The following LMF1 variants were observed in gnomAD, a reference collection of about 807,000 sequenced individuals.
LMF1 encodes transmembrane protein 112.
A neutral mutation model predicts 60.6 loss-of-function variants in LMF1; 68 were observed. The ratio of observed to expected loss-of-function variants is 1.12; its 90% CI spans 0.92 to 1.37. The LOEUF (loss-of-function observed/expected upper bound fraction) is 1.37, where lower values mean the gene tolerates loss of function less well. Ranked by LOEUF, LMF1 falls within the 40% of genes most tolerant of loss-of-function variation. LMF1 has a pLI of 0.00. For synonymous variants in LMF1, 418 were observed against 324.7 expected (o/e 1.29, Z -3.09); for missense variants, 948 against 767.2 (o/e 1.24, Z -2.78).
chr16:949,116 CAG>C (rs1168330108), intron 2 of LMF1, among the ~76,000 whole-genome samples: 2 of 150,078 alleles, frequency 1.3e-5, no homozygotes, highest in Admixed American at 6.7e-5. Flanking sequence ...CAGCCAATGA[CAG>C]AGTCAGCCAA....
chr16:860,130 C>T (rs1043861726), intron 10 of LMF1, among the ~76,000 whole-genome samples: 1 of 152,062 alleles, frequency 6.6e-6, no homozygotes, highest in South Asian at 2.1e-4. Flanking sequence ...TTTACATATT[C>T]CAGATTTTAG....
At chr16:954,185 C>T in intron 2 of LMF1, 172 bp downstream of exon 2, 1 of 738,294 alleles carries the variant, frequency 1.4e-6, no homozygotes, top group Non-Finnish European at 2.4e-6. Context: ...TGGGTGGCTG[C>T]TGTGGCTGGT....
At chr16:947,751 G>C in intron 2 of LMF1, 1 of 361,832 alleles carries the variant, frequency 2.8e-6, no homozygotes, top group Non-Finnish European at 5.5e-6. Context: ...GCGGATGACA[G>C]TCAGAGCCAA....
intron 10 of LMF1, among the ~76,000 whole-genome samples, chr16:857,349 C>T (rs917909724): frequency 2.6e-5 from 4 of 152,260 alleles, no homozygotes; most frequent in African/African-American, 9.6e-5. Flanking sequence ...CCAGCAACAG[C>T]CGAGTGACTC....
At chr16:856,031 G>C in intron 10 of LMF1, 1 of 449,608 alleles carries the variant, frequency 2.2e-6, no homozygotes, top group South Asian at 1.6e-5. Context: ...GAGACCCTCT[G>C]GGTGGAGGAG....
At chr16:911,570 G>T (rs2071116708) in intron 3 of LMF1, among the ~76,000 whole-genome samples, 1 of 39,502 alleles carries the variant, frequency 2.5e-5, no homozygotes, top group Non-Finnish European at 4.2e-5. Context: ...CTTGGGGGAG[G>T]CAGCACTGGG....
At chr16:854,956 G>A (rs2069147453) in intron 10 of LMF1, 2 of 572,260 alleles carry the variant, frequency 3.5e-6, no homozygotes, top group Non-Finnish European at 3.1e-6. Flanking sequence ...CTCCGGGAGG[G>A]GAGACCCAGC....
intron 2 of LMF1, among the ~76,000 whole-genome samples, chr16:941,985 A>C (rs1339547594): frequency 6.6e-6 from 1 of 152,246 alleles, no homozygotes; most frequent in Non-Finnish European, 1.5e-5. Context: ...TACCATGTCC[A>C]GTGGATTTTA....
chr16:870,629 G>T, intron 8 of LMF1, 100 bp downstream of exon 8: 1 of 1,391,226 alleles, frequency 7.2e-7, no homozygotes, highest in Non-Finnish European at 1.0e-6. Flanking sequence ...GACACTTGGG[G>T]TCATGGGGGC....
At chr16:960,284 C>G (rs1255044683) in intron 1 of LMF1, among the ~76,000 whole-genome samples, 2 of 148,190 alleles carry the variant, frequency 1.3e-5, no homozygotes, top group Non-Finnish European at 3.0e-5. Context: ...GATCATAACC[C>G]AGACAAAGAC....
intron 1 of LMF1, among the ~76,000 whole-genome samples, chr16:970,439 C>T (rs571653235): frequency 1.3e-5 from 2 of 152,302 alleles, no homozygotes; most frequent in South Asian, 4.1e-4. Flanking sequence ...TCCACCTGCC[C>T]AGCTCTCCTG....
chr16:912,898 C>T (rs1243991586), intron 3 of LMF1, among the ~76,000 whole-genome samples: 1 of 152,224 alleles, frequency 6.6e-6, no homozygotes, highest in Non-Finnish European at 1.5e-5. Context: ...ATAAGCAGCA[C>T]GCTGCCAGGG....
At chr16:939,676 G>C (rs937376426) in intron 2 of LMF1, among the ~76,000 whole-genome samples, 1 of 152,260 alleles carries the variant, frequency 6.6e-6, no homozygotes, top group Non-Finnish European at 1.5e-5. Context: ...GACCAAAGCT[G>C]CTGTAAGACA....
chr16:891,015 C>T (rs1221008843), intron 5 of LMF1, among the ~76,000 whole-genome samples: 4 of 152,214 alleles, frequency 2.6e-5, no homozygotes, highest in Admixed American at 2.6e-4. Context: ...GCACTCCTCA[C>T]AAACAGCACA....
At chr16:904,297 C>T (rs1312474643) in intron 4 of LMF1, among the ~76,000 whole-genome samples, 3 of 118,892 alleles carry the variant, frequency 2.5e-5, no homozygotes, top group Non-Finnish European at 3.5e-5. Context: ...GTGGTGACCT[C>T]TGCACTGCCT....
rs754160943 is a variant in LMF1, at chr16:954,518, G to C, written c.342C>G (p.Leu114=). The change falls in exon 2 of 11, where the codon CTC becomes CTG. Residue 114 remains leucine (L), a synonymous_variant. Transcript: ENST00000262301. The part of the protein sequence containing the change: ...WEVFSYMPTI[L]WLMDWSDMNS... Reference sequence around the variant, plus strand: ...TCATGTCTGACCAGTCCATCAGCCAGAGGATGGTGGGCATGTAGCTGAAGA... The same window carrying C: ...TCATGTCTGACCAGTCCATCAGCCACAGGATGGTGGGCATGTAGCTGAAGA... 6.2e-7 allele frequency: 1 copy of C among 1,613,098 alleles called. No homozygotes were observed. Among genetic ancestry groups the C allele is most frequent in the Non-Finnish European group, 8.5e-7 (1 of 1,179,676 alleles).
At chr16:861,570 G>A (rs1287945710) in intron 10 of LMF1, among the ~76,000 whole-genome samples, 2 of 151,914 alleles carry the variant, frequency 1.3e-5, no homozygotes, top group African/African-American at 2.4e-5. Context: ...ATGTTAGGCT[G>A]GTCTTGAACT....
intron 2 of LMF1, 77 bp from the exon 3 acceptor site, chr16:934,331 G>A (rs577338344): frequency 2.9e-5 from 46 of 1,570,990 alleles, no homozygotes; most frequent in Admixed American, 2.7e-4. Context: ...CCCACTGAGT[G>A]AAGCCCACCC....
chr16:911,639 AGGCAGCAATGGGGG>A (rs2071123265), intron 3 of LMF1, among the ~76,000 whole-genome samples: 2 of 22,064 alleles, frequency 9.1e-5, no homozygotes, highest in Non-Finnish European at 1.4e-4. Flanking sequence ...AGCACTGGGG[AGGCAGCAATGGGGG>A]GGCAGCACTG....
Sources: allele counts gnomAD v4.1 joint callset (sites outside exome capture counted in the v4.1 genomes callset), GRCh38; gene constraint gnomAD v4.1.1; transcripts MANE v1.5; gene names NCBI Gene and HGNC (gene_info 2026-07-23, HGNC 2026-07-21).